The following TNRC6B variants were observed in gnomAD, a reference collection of about 807,000 sequenced individuals.
TNRC6B encodes trinucleotide repeat containing adaptor 6B, also known as trinucleotide repeat-containing gene 6B protein.
In TNRC6B, 52 loss-of-function variants were observed where a neutral mutation model predicts 203.6. That is an observed-to-expected ratio of 0.26 (90% confidence interval 0.20 to 0.32). The LOEUF is 0.32. TNRC6B is among the 10% of genes least tolerant of loss of function. The pLI, the probability that TNRC6B is intolerant of heterozygous loss-of-function variation, is 1.00. For missense variants in TNRC6B, 1,923 were observed against 2,286.2 expected (o/e 0.84, Z 3.24); for synonymous variants, 838 against 845.7 (o/e 0.99, Z 0.16).
chr22:40,227,732 ATTAT>A (rs1176238562), intron 1 of TNRC6B, among the ~76,000 whole-genome samples: 1 of 152,182 alleles, frequency 6.6e-6, no homozygotes, highest in Non-Finnish European at 1.5e-5. Context: ...AAGGTCAGTT[ATTAT>A]TTATTCTTTC....
chr22:40,080,075 G>A (rs2068052307), intron 1 of TNRC6B, among the ~76,000 whole-genome samples: 3 of 149,502 alleles, frequency 2.0e-5, no homozygotes, highest in South Asian at 2.1e-4. Flanking sequence ...GATTACAGAC[G>A]TGAGCCACCG....
intron 2 of TNRC6B, among the ~76,000 whole-genome samples, chr22:40,121,683 T>C (rs1270731108): frequency 6.6e-6 from 1 of 152,224 alleles, no homozygotes; most frequent in East Asian, 1.9e-4. Flanking sequence ...GAGCTTTCAA[T>C]ACCAGCATCA....
chr22:40,303,094 A>G (rs1161439381), intron 15 of TNRC6B, among the ~76,000 whole-genome samples: 4 of 132,978 alleles, frequency 3.0e-5, no homozygotes, highest in African/African-American at 6.0e-5. Context: ...CTGTCGCCCA[A>G]CCTCCACCTC....
At chr22:40,059,086 C>T (rs1335783024) in intron 1 of TNRC6B, among the ~76,000 whole-genome samples, 1 of 152,136 alleles carries the variant, frequency 6.6e-6, no homozygotes, top group African/African-American at 2.4e-5. Context: ...TGAATCTTTG[C>T]GTTCTGTACA....
chr22:40,312,927 G>A lies in TNRC6B; in HGVS notation c.4608G>A (p.Ser1536=), dbSNP rs373209801. ...TTGSNSSLNT[S]LPSPGAWPYS... ...GGTCTAATTCTTCCCTCAACACCTC[G>A]CTGCCTTCACCTGGTGCCTGGCCCT... is the stretch of plus-strand genomic sequence containing the variant. Residue 1536 remains serine, a synonymous_variant, in exon 19 of 23, where the codon TCG becomes TCA. Coordinates refer to ENST00000454349, the MANE Select transcript of TNRC6B (RefSeq NM_001162501.2). The A allele has an allele frequency of 3.7e-4, 596 of 1,613,606 alleles. No individual in the cohort carries two copies. The highest frequency in any genetic ancestry group is 4.9e-4 in the Non-Finnish European group (576 of 1,179,780).
intron 6 of TNRC6B, among the ~76,000 whole-genome samples, chr22:40,273,178 G>GA (rs1309302071): frequency 6.6e-6 from 1 of 152,170 alleles, no homozygotes; most frequent in Non-Finnish European, 1.5e-5. Flanking sequence ...TTGTGCAAGG[G>GA]AAAAAGCATT....
At chr22:40,298,737 C>T (rs995285565) in intron 12 of TNRC6B, among the ~76,000 whole-genome samples, 25 of 151,320 alleles carry the variant, frequency 1.7e-4, no homozygotes, top group African/African-American at 5.1e-4. Context: ...GAGGCCGAGG[C>T]GGGCGGATCA....
At chr22:40,246,376 G>A (rs1188879103) in intron 2 of TNRC6B, 1 of 222,448 alleles carries the variant, frequency 4.5e-6, no homozygotes, top group African/African-American at 2.3e-5. Flanking sequence ...TTTTAGTAGA[G>A]ATGGGGTTTC....
chr22:40,139,147 C>T (rs772163825), intron 3 of TNRC6B, among the ~76,000 whole-genome samples: 2 of 151,952 alleles, frequency 1.3e-5, no homozygotes, highest in South Asian at 4.1e-4. Flanking sequence ...TCCATCTCTA[C>T]AGAATCACCT....
At position 40,331,530 on chromosome 22, in the gene TNRC6B, C is replaced by T; in HGVS notation, c.*8289C>T. On this transcript the variant is annotated 3_prime_UTR_variant, in exon 23 of 23. Transcript: ENST00000454349. ...ATTCCTTCAGCTTCATTCAGGAAGA[C>T]ACAGGGAGGAGAGATGCTGCTTCTG... is the stretch of plus-strand genomic sequence containing the variant. 2.7e-6 allele frequency: 1 copy of T among 373,066 alleles called. No homozygotes were observed. The allele number at this position is 373,066 out of a possible 1,614,324, so 23.1% of individuals were successfully genotyped here.
At chr22:40,105,700 T>C (rs1437850862) in intron 1 of TNRC6B, among the ~76,000 whole-genome samples, 1 of 152,224 alleles carries the variant, frequency 6.6e-6, no homozygotes, top group Non-Finnish European at 1.5e-5. Flanking sequence ...TGAGGATATT[T>C]GGGTTGTTCC....
chr22:40,266,693 A>G lies in TNRC6B; in HGVS notation c.2463A>G (p.Gln821=), dbSNP rs757323259. Reference sequence around the variant, plus strand: ...CCAATTCCTGGAATAAACAACACCAACAGCAGCAGCCCCCACAGCAGCCGC... The same window carrying G: ...CCAATTCCTGGAATAAACAACACCAGCAGCAGCAGCCCCCACAGCAGCCGC... ...RQPNSWNKQH[Q]QQQPPQQPPP... Residue 821 remains glutamine (Q), a synonymous_variant, in exon 5 of 23, where the codon CAA becomes CAG. Coordinates refer to ENST00000454349, the MANE Select transcript of TNRC6B (RefSeq NM_001162501.2). 1.2e-6 allele frequency: 2 copies of G among 1,613,966 alleles called. No homozygotes were observed. The highest frequency in any genetic ancestry group is 4.5e-5 in the East Asian group (2 of 44,886).
chr22:40,232,751 G>A (rs1036733081), intron 1 of TNRC6B, among the ~76,000 whole-genome samples: 4 of 152,180 alleles, frequency 2.6e-5, no homozygotes, highest in Non-Finnish European at 5.9e-5. Context: ...AGTGGTGCAC[G>A]CCTCTAATCC....
In TNRC6B at chr22:40,301,268, C is replaced by A; in HGVS notation, c.4055C>A (p.Pro1352His). 6.3e-7 allele frequency: 1 copy of A among 1,589,540 alleles called. No individual in the cohort carries two copies. The highest frequency in any genetic ancestry group is 8.6e-7 in the Non-Finnish European group (1 of 1,166,960). The change falls in exon 15 of 23, where the codon CCC becomes CAC. Residue 1352 changes from proline to histidine, a missense_variant. Pro to His is a moderately conservative substitution (Grantham distance 77). Transcript: ENST00000454349. ...AAGCCGCATCTGGACAACATGGTAC[C>A]CAACGCATTGAATGTGGGGCTCCCA... is the stretch of plus-strand genomic sequence containing the variant. ...GPKPHLDNMV[P>H]NALNVGLPDL...
chr22:40,208,191 T>G (rs2069512318), intron 1 of TNRC6B, among the ~76,000 whole-genome samples: 1 of 151,836 alleles, frequency 6.6e-6, no homozygotes, highest in Non-Finnish European at 1.5e-5. Flanking sequence ...GAGCTTTTAC[T>G]TTTCTGGTGG....
chr22:40,066,512 A>G (rs1253793096), intron 1 of TNRC6B, among the ~76,000 whole-genome samples: 1 of 152,044 alleles, frequency 6.6e-6, no homozygotes, highest in Middle Eastern at 3.2e-3. Flanking sequence ...TCAGGTCTGG[A>G]TATGTGATTT....
rs188341591 is a variant in TNRC6B, at chr22:40,329,003, C to T, written c.*5762C>T. 1 of 149,506 alleles carries T rather than the reference C, an allele frequency of 6.7e-6. No individual in the cohort carries two copies. Among genetic ancestry groups the T allele is most frequent in the East Asian group, 1.9e-4 (1 of 5,162 alleles). The allele number at this position is 149,506 out of a possible 1,614,324, so 9.3% of individuals were successfully genotyped here. On this transcript the variant is annotated 3_prime_UTR_variant, in exon 23 of 23. Coordinates refer to ENST00000454349, the MANE Select transcript of TNRC6B (RefSeq NM_001162501.2). Reference sequence around the variant, plus strand: ...ACTTCATGTGTATGCATTAACTATACTTCTTAGTGTTACTGCAAAAAAAAA... The same window carrying T: ...ACTTCATGTGTATGCATTAACTATATTTCTTAGTGTTACTGCAAAAAAAAA...
intron 3 of TNRC6B, among the ~76,000 whole-genome samples, chr22:40,131,703 A>G (rs1269148870): frequency 6.6e-6 from 1 of 152,234 alleles, no homozygotes; most frequent in Non-Finnish European, 1.5e-5. Context: ...AAAGAATGTT[A>G]AATTTCACAT....
chr22:40,103,834 G>T (rs2068260149), intron 1 of TNRC6B, among the ~76,000 whole-genome samples: 1 of 151,580 alleles, frequency 6.6e-6, no homozygotes. Flanking sequence ...GTAGAGACAG[G>T]GTTTCGCCAT....
Sources: gnomAD v4.1 joint callset for allele counts (sites outside exome capture counted in the v4.1 genomes callset) on GRCh38, gnomAD v4.1.1 for gene constraint, MANE v1.5 for transcripts, NCBI Gene and HGNC (gene_info 2026-07-23, HGNC 2026-07-21) for gene names.